Variants in SLC36A2 observed in about 807,000 individuals in gnomAD.
SLC36A2 encodes solute carrier family 36 member 2.
Under a neutral mutation model 42.7 loss-of-function variants are expected in SLC36A2, and 39 were observed. The observed-to-expected ratio is 0.91, with a 90% CI of 0.71 to 1.19. SLC36A2 has a LOEUF of 1.19. Ranked by LOEUF, SLC36A2 falls within the 50% of genes most tolerant of loss-of-function variation. SLC36A2 has a pLI of 0.00. For missense variants in SLC36A2, 590 were observed against 613.7 expected (o/e 0.96, Z 0.41); for synonymous variants, 237 against 240.8 (o/e 0.98, Z 0.15).
chr5:151,347,147 G>T, intron 1 of SLC36A2, 150 bp downstream of exon 1: 1 of 907,918 alleles, frequency 1.1e-6, no homozygotes, highest in Non-Finnish European at 1.8e-6. Context: ...TTCTGCCTCA[G>T]CTTGACTCAG....
At chr5:151,343,455 T>C in intron 3 of SLC36A2, 55 bp downstream of exon 3, 1 of 1,528,698 alleles carries the variant, frequency 6.5e-7, no homozygotes, top group South Asian at 1.1e-5. Flanking sequence ...GTTTCTGGGC[T>C]ATCCCTGAGA....
At chr5:151,329,472 C>T (rs1755937959) in intron 7 of SLC36A2, among the ~76,000 whole-genome samples, 1 of 152,142 alleles carries the variant, frequency 6.6e-6, no homozygotes, top group Admixed American at 6.5e-5. Context: ...CAGATGCCAA[C>T]CTTAAGATGA....
chr5:151,338,113 T>A (rs978223295), intron 5 of SLC36A2, among the ~76,000 whole-genome samples: 1 of 152,232 alleles, frequency 6.6e-6, no homozygotes, highest in African/African-American at 2.4e-5. Flanking sequence ...ATGGAAAGCA[T>A]GTAAAATGCT....
At chr5:151,319,889 G>A (rs1186090698) in intron 9 of SLC36A2, 1 of 152,190 alleles carries the variant, frequency 6.6e-6, no homozygotes, top group East Asian at 1.9e-4. Flanking sequence ...AATGATTTCT[G>A]TATATTATAT....
intron 4 of SLC36A2, among the ~76,000 whole-genome samples, chr5:151,340,203 AGAGGAG>A (rs1166288088): frequency 2.5e-5 from 3 of 118,920 alleles, no homozygotes; most frequent in African/African-American, 1.1e-4. Context: ...GAGGAGGAGG[AGAGGAG>A]GAGGAGGGAG....
intron 7 of SLC36A2, among the ~76,000 whole-genome samples, chr5:151,330,057 A>G (rs1250589140): frequency 6.6e-6 from 1 of 152,174 alleles, no homozygotes; most frequent in Non-Finnish European, 1.5e-5. Context: ...CCAATGTCCT[A>G]TATATGCTAA....
Position 151,322,043 on chromosome 5 carries a change from C to T in SLC36A2, c.1180+3G>A, listed in dbSNP as rs1469635136. 6.2e-7 allele frequency: 1 copy of T among 1,614,174 alleles called. No individual in the cohort carries two copies. The highest frequency in any genetic ancestry group is 8.5e-7 in the Non-Finnish European group (1 of 1,180,024). ...GGAACACTGCACTCTCCTTTCTACT[C>T]ACATGTCAGGCAGACCATGACGAGG... On this transcript the variant is annotated splice_donor_region_variant and intron_variant, in intron 9 of 9. Coordinates refer to ENST00000335244, the MANE Select transcript of SLC36A2 (RefSeq NM_181776.3).
rs759114090 is a variant in SLC36A2, at chr5:151,325,485, G to A, written c.844-33C>T. On this transcript the variant is annotated intron_variant, in intron 7 of 9. Transcript: ENST00000335244. Reference sequence around the variant, plus strand: ...AACATCACAATGTAAGAAGGAGAAAGAGTAACATGAACAAAAAGAAAAATG... The same window carrying A: ...AACATCACAATGTAAGAAGGAGAAAAAGTAACATGAACAAAAAGAAAAATG... 5 of 1,611,410 alleles carry A rather than the reference G, an allele frequency of 3.1e-6. No individual in the cohort carries two copies. The African/African-American group carries it at 6.7e-5, about 22-fold the overall frequency.
At chr5:151,320,581 G>A (rs774810848) in intron 9 of SLC36A2, among the ~76,000 whole-genome samples, 2 of 152,028 alleles carry the variant, frequency 1.3e-5, no homozygotes, top group Non-Finnish European at 2.9e-5. Flanking sequence ...CATCTCCTTC[G>A]GCCTCTGGTG....
chr5:151,324,676 G>A (rs1755801190), intron 8 of SLC36A2, among the ~76,000 whole-genome samples: 2 of 152,124 alleles, frequency 1.3e-5, no homozygotes, highest in South Asian at 4.1e-4. Flanking sequence ...TGTCACTCAG[G>A]CTGGAGTGGA....
Position 151,316,443 on chromosome 5 carries a change from C to A in SLC36A2, c.*374G>T, listed in dbSNP as rs139249026. On this transcript the variant is annotated 3_prime_UTR_variant, in exon 10 of 10. Coordinates refer to ENST00000335244, the MANE Select transcript of SLC36A2 (RefSeq NM_181776.3). ...GCAAAGCAGTGACATAAAGATAATG[C>A]ATATAAAAGAGATCTGGCCAGGCGA... 174 of 210,016 alleles carry A rather than the reference C, an allele frequency of 8.3e-4. No homozygotes were observed. The highest frequency in any genetic ancestry group is 3.7e-3 in the African/African-American group (158 of 42,854). 13.0% of individuals were successfully genotyped at this position (210,016 alleles called of 1,614,324 possible).
At chr5:151,329,494 G>A (rs889675843) in intron 7 of SLC36A2, among the ~76,000 whole-genome samples, 5 of 152,166 alleles carry the variant, frequency 3.3e-5, no homozygotes, top group Admixed American at 1.3e-4. Context: ...TCAAATGTTG[G>A]CAATATTAGG....
chr5:151,326,204 G>C (rs1250876017), intron 7 of SLC36A2, among the ~76,000 whole-genome samples: 1 of 152,208 alleles, frequency 6.6e-6, no homozygotes, highest in Non-Finnish European at 1.5e-5. Context: ...CTCTGGGGCA[G>C]CTAGATCTGG....
rs1313625846 is a variant in SLC36A2 at position 151,343,000 on chromosome 5, A to C, written c.345-17T>G. On this transcript the variant is annotated splice_polypyrimidine_tract_variant and intron_variant, in intron 3 of 9. Transcript: ENST00000335244. ...TTGTTAAGCCTGCAGGAGAGAGTGCATAAACGGTTTCCAAGAGATAGTTTA... is the reference window on the plus strand; with the variant it reads ...TTGTTAAGCCTGCAGGAGAGAGTGCCTAAACGGTTTCCAAGAGATAGTTTA... 1.0e-5 allele frequency: 16 copies of C among 1,602,384 alleles called. No individual in the cohort carries two copies. Among genetic ancestry groups the C allele is most frequent in the Non-Finnish European group, 1.2e-5 (14 of 1,169,514 alleles).
chr5:151,344,513 C>G (rs1756441715), intron 1 of SLC36A2, among the ~76,000 whole-genome samples: 1 of 152,166 alleles, frequency 6.6e-6, no homozygotes, highest in Non-Finnish European at 1.5e-5. Flanking sequence ...AGACACTGTG[C>G]TAGGTGCTTT....
At position 151,344,151 on chromosome 5, in the gene SLC36A2, GC is replaced by G. The variant is rs746183422; in HGVS notation, c.255+25del. 49 of 1,606,234 alleles carry G rather than the reference GC, an allele frequency of 3.1e-5. No individual in the cohort carries two copies. In the South Asian group the frequency reaches 4.0e-4, roughly 13 times the overall value. On this transcript the variant is annotated intron_variant, in intron 2 of 9. Coordinates refer to ENST00000335244, the MANE Select transcript of SLC36A2 (RefSeq NM_181776.3). ...CTTCCCTTCTGCAACTGACCATAAA[GC>G]CCCCACATGTGGCGCCTCTCTTACC...
intron 8 of SLC36A2, among the ~76,000 whole-genome samples, chr5:151,322,994 G>C (rs1012238483): frequency 2.6e-5 from 4 of 152,200 alleles, no homozygotes; most frequent in Non-Finnish European, 4.4e-5. Context: ...CCAGCACTTT[G>C]GGAGGCCGAG....
chr5:151,323,778 A>T (rs1206813175), intron 8 of SLC36A2, among the ~76,000 whole-genome samples: 2 of 152,154 alleles, frequency 1.3e-5, no homozygotes, highest in East Asian at 3.9e-4. Flanking sequence ...TTCCCACCGG[A>T]TCAGGAGCCG....
intron 7 of SLC36A2, chr5:151,332,479 T>C (rs1411352465): frequency 8.8e-6 from 4 of 455,610 alleles, no homozygotes; most frequent in African/African-American, 2.0e-5. Context: ...AAATGTTCTT[T>C]GACAGGTGCG....
Sources: allele counts gnomAD v4.1 joint callset (sites outside exome capture counted in the v4.1 genomes callset), GRCh38; gene constraint gnomAD v4.1.1; transcripts MANE v1.5; gene names NCBI Gene and HGNC (gene_info 2026-07-23, HGNC 2026-07-21).